Variants in SLC2A14 observed in about 807,000 individuals in gnomAD.
SLC2A14 encodes solute carrier family 2, facilitated glucose transporter member 14.
SLC2A14 carries 13 observed loss-of-function variants against 43.0 expected under a neutral mutation model. The ratio of observed to expected loss-of-function variants is 0.30; its 90% CI spans 0.20 to 0.48. The LOEUF (loss-of-function observed/expected upper bound fraction) is 0.48, where lower values mean the gene tolerates loss of function less well. Ranked by LOEUF, SLC2A14 falls within the 20% of genes least tolerant of loss-of-function variation. The pLI is 0.99. For synonymous variants in SLC2A14, 190 were observed against 233.8 expected (o/e 0.81, Z 1.71); for missense variants, 428 against 620.4 (o/e 0.69, Z 3.29).
intron 4 of SLC2A14, among the ~76,000 whole-genome samples, chr12:7,830,669 T>A (rs1182452995): frequency 6.6e-6 from 1 of 152,024 alleles, no homozygotes; most frequent in Non-Finnish European, 1.5e-5. Flanking sequence ...GGAAGAACAT[T>A]AGCAAGTAAA....
At chr12:7,882,506 C>A (rs759560019) in intron 1 of SLC2A14, among the ~76,000 whole-genome samples, 1 of 152,006 alleles carries the variant, frequency 6.6e-6, no homozygotes, top group Non-Finnish European at 1.5e-5. Flanking sequence ...GGCAACGGAG[C>A]GAAACTTACC....
Position 7,837,053 on chromosome 12 carries a change from G to A in SLC2A14, c.19-4239C>T, listed in dbSNP as rs892420866. ...ATGGTGGCACATGCCTGTAATCCCA[G>A]CTATTCGGGAGGCTGAGGCAAGAGA... On this transcript the variant is annotated intron_variant, in intron 2 of 10. Coordinates refer to ENST00000431042, the MANE Select transcript of SLC2A14 (RefSeq NM_001286234.2). Among the ~76,000 whole-genome samples the A allele has an allele frequency of 1.1e-4, 16 of 151,606 alleles. 1 individual carries two copies. The highest frequency in any genetic ancestry group is 9.8e-4 in the East Asian group (5 of 5,122).
intron 2 of SLC2A14, among the ~76,000 whole-genome samples, chr12:7,840,637 G>A (rs1356826546): frequency 6.6e-6 from 1 of 152,100 alleles, no homozygotes; most frequent in Non-Finnish European, 1.5e-5. Flanking sequence ...CCGCCCACCT[G>A]GGCCTCCCAA....
intron 1 of SLC2A14, among the ~76,000 whole-genome samples, chr12:7,883,590 C>CTTTTTTTTTTTTTTTTTT (rs1204450230): frequency 1.3e-4 from 12 of 95,216 alleles, no homozygotes; most frequent in African/African-American, 1.8e-4. Flanking sequence ...TTTTTCTTTT[C>CTTTTTTTTTTTTTTTTTT]TTTTTTTTTT....
chr12:7,817,041 A>C (rs1863512220), intron 10 of SLC2A14, among the ~76,000 whole-genome samples: 1 of 151,974 alleles, frequency 6.6e-6, no homozygotes, highest in Admixed American at 6.6e-5. Context: ...TTATTTCTGG[A>C]ATTTTCCATT....
At chr12:7,881,921 A>C (rs1945582263) in intron 1 of SLC2A14, among the ~76,000 whole-genome samples, 1 of 152,100 alleles carries the variant, frequency 6.6e-6, no homozygotes, top group South Asian at 2.1e-4. Flanking sequence ...GGACATGGAT[A>C]ACTTTTGTGT....
At chr12:7,846,621 T>C (rs971380122) in intron 2 of SLC2A14, among the ~76,000 whole-genome samples, 1 of 147,188 alleles carries the variant, frequency 6.8e-6, no homozygotes. Context: ...GTGGTTACAA[T>C]GTGAATATTC....
At chr12:7,839,894 C>G in intron 2 of SLC2A14, 1 of 425,516 alleles carries the variant, frequency 2.4e-6, no homozygotes, top group Non-Finnish European at 4.6e-6. Flanking sequence ...TTTGGACCAG[C>G]CTGGGCGACA....
intron 7 of SLC2A14, 89 bp from the exon 8 acceptor site, chr12:7,821,414 T>C: frequency 8.7e-7 from 1 of 1,153,994 alleles, no homozygotes; most frequent in Admixed American, 1.8e-5. Flanking sequence ...TGAGCGTGGT[T>C]GCACAGGCCT....
At chr12:7,886,356 T>A (rs201730335) in intron 1 of SLC2A14, among the ~76,000 whole-genome samples, 1 of 16,306 alleles carries the variant, frequency 6.1e-5, no homozygotes, top group East Asian at 2.2e-3. Context: ...ATTTATTTAT[T>A]TATTTATTTA....
chr12:7,861,606 T>G (rs1944564063), intron 2 of SLC2A14, among the ~76,000 whole-genome samples: 1 of 151,960 alleles, frequency 6.6e-6, no homozygotes, highest in Non-Finnish European at 1.5e-5. Context: ...ACAACTAAGT[T>G]TCAGCCCTTC....
chr12:7,874,992 T>G (rs1249330211), upstream of SLC2A14, among the ~76,000 whole-genome samples: 1 of 93,364 alleles, frequency 1.1e-5, no homozygotes, highest in East Asian at 2.7e-4. Flanking sequence ...TATATATAAA[T>G]TATATATAAA....
chr12:7,819,256 A>T (rs974286207), intron 9 of SLC2A14, among the ~76,000 whole-genome samples: 2 of 152,142 alleles, frequency 1.3e-5, no homozygotes, highest in African/African-American at 4.8e-5. Flanking sequence ...TAAATTAGAT[A>T]ACTTATTTTA....
intron 1 of SLC2A14, among the ~76,000 whole-genome samples, chr12:7,882,084 C>T (rs1398130713): frequency 1.3e-5 from 2 of 152,134 alleles, no homozygotes; most frequent in East Asian, 1.9e-4. Flanking sequence ...CCTTTCTACA[C>T]TTGGAGGCTT....
rs1864596406 is a variant in SLC2A14, at chr12:7,827,492, C to T, written c.864+3G>A. 1.2e-6 allele frequency: 2 copies of T among 1,610,830 alleles called. No homozygotes were observed. The highest frequency in any genetic ancestry group is 1.7e-6 in the Non-Finnish European group (2 of 1,179,354). On this transcript the variant is annotated splice_donor_region_variant and intron_variant, in intron 7 of 10. Transcript: ENST00000431042. ...ACGTTTGACCCTAAAGTATCACACT[C>T]ACAGCATTGATCCCAGAGAGCTGCT... is the stretch of plus-strand genomic sequence containing the variant.
chr12:7,868,869 G>A (rs1429507949), intron 2 of SLC2A14, among the ~76,000 whole-genome samples: 1 of 152,000 alleles, frequency 6.6e-6, no homozygotes, highest in Non-Finnish European at 1.5e-5. Flanking sequence ...ATTATGCCGG[G>A]CTCGTTGGCT....
In SLC2A14 at chr12:7,818,605, T is replaced by C. The variant is rs117888696; in HGVS notation, c.1072-571A>G. Among the ~76,000 whole-genome samples, 676 of 151,866 alleles carry C rather than the reference T, an allele frequency of 4.5e-3. 22 individuals carry two copies. In the East Asian group the frequency reaches 0.063, roughly 14 times the overall value. On this transcript the variant is annotated intron_variant, in intron 9 of 10. Transcript: ENST00000431042. ...GAAGCCTGGGAGGCAGAGATTGCAGTGAGCCAAGATGGCGACATTGCACTC... is the reference window on the plus strand; with the variant it reads ...GAAGCCTGGGAGGCAGAGATTGCAGCGAGCCAAGATGGCGACATTGCACTC...
chr12:7,832,626 C>T, intron 3 of SLC2A14, 96 bp downstream of exon 3: 2 of 1,361,880 alleles, frequency 1.5e-6, no homozygotes, highest in Non-Finnish European at 2.1e-6. Flanking sequence ...CAGGCAGGTG[C>T]CACCATGCCT....
intron 2 of SLC2A14, among the ~76,000 whole-genome samples, chr12:7,861,087 C>T (rs565403854): frequency 6.6e-6 from 1 of 151,952 alleles, no homozygotes; most frequent in Non-Finnish European, 1.5e-5. Flanking sequence ...CCACCTCGCC[C>T]GGCATCAACT....
Sources: allele counts gnomAD v4.1 joint callset (sites outside exome capture counted in the v4.1 genomes callset), GRCh38; gene constraint gnomAD v4.1.1; transcripts MANE v1.5; gene names NCBI Gene and HGNC (gene_info 2026-07-23, HGNC 2026-07-21).